ZNF565: variants seen among roughly 807,000 people sequenced by gnomAD.
ZNF565 encodes the protein zinc finger protein 565.
In ZNF565, 27 loss-of-function variants were observed where a neutral mutation model predicts 39.4. That is an observed-to-expected ratio of 0.69 (90% CI 0.51 to 0.95). The LOEUF (loss-of-function observed/expected upper bound fraction) is 0.95. Ranked by LOEUF, ZNF565 falls within the 40% of genes least tolerant of loss-of-function variation. The probability of loss-of-function intolerance (pLI) is 0.00; values close to 1 mark genes in which losing one functional copy is unlikely to be tolerated. For synonymous variants in ZNF565, 185 were observed against 216.6 expected (o/e 0.85, Z 1.28); for missense variants, 524 against 621.1 (o/e 0.84, Z 1.66).
chr19:36,228,173 A>AG lies in ZNF565; in HGVS notation c.55+17302_55+17303insC, dbSNP rs1354246150. Among the ~76,000 whole-genome samples, 113 of 148,664 alleles carry AG rather than the reference A, an allele frequency of 7.6e-4. 1 individual carries two copies. The highest frequency in any genetic ancestry group is 2.7e-3 in the African/African-American group (108 of 39,528). ...GAAACTGTCTCAAAAAAAAAAAAAA[A>AG]AAAAGAAAGAATTTCACTCTCAGTA... On this transcript the variant is annotated intron_variant, in intron 1 of 4. Transcript: ENST00000355114.
intron 1 of ZNF565, among the ~76,000 whole-genome samples, chr19:36,219,829 G>A (rs1417263717): frequency 6.6e-6 from 1 of 152,024 alleles, no homozygotes; most frequent in Non-Finnish European, 1.5e-5. Context: ...AGAAACTTCT[G>A]GGAACAAACT....
chr19:36,203,760 A>G (rs915850292), intron 1 of ZNF565, among the ~76,000 whole-genome samples: 1 of 151,288 alleles, frequency 6.6e-6, no homozygotes, highest in African/African-American at 2.4e-5. Context: ...TATTTTTAGT[A>G]GAGACGCGGT....
Position 36,183,313 on chromosome 19 carries a change from G to T in ZNF565, c.653C>A (p.Thr218Lys). Reference sequence around the variant, plus strand: ...CTTACAGTCATAAGGTTTCTCACCCGTGTGAATTCTCTGATGCTGAACAAG... The same window carrying T: ...CTTACAGTCATAAGGTTTCTCACCCTTGTGAATTCTCTGATGCTGAACAAG... ...SHLVQHQRIH[T>K]GEKPYDCKDC... Residue 218 changes from threonine (T) to lysine (K), a missense_variant, in exon 5 of 5, where the codon ACG becomes AAG. Thr to Lys is a moderately conservative substitution (Grantham distance 78). Transcript: ENST00000304116. 1 of 1,614,088 alleles carries T rather than the reference G, an allele frequency of 6.2e-7. No homozygotes were observed. Among genetic ancestry groups the T allele is most frequent in the East Asian group, 2.2e-5 (1 of 44,854 alleles).
At chr19:36,211,503 C>A (rs541897847) in intron 1 of ZNF565, among the ~76,000 whole-genome samples, 1 of 141,252 alleles carries the variant, frequency 7.1e-6, no homozygotes, top group Non-Finnish European at 1.5e-5. Context: ...AATTAATAAA[C>A]ATAGAAGTGG....
In ZNF565 at chr19:36,191,096, C is replaced by CT. The variant is rs903262734; in HGVS notation, c.232+3136dup. Among the ~76,000 whole-genome samples the CT allele has an allele frequency of 8.5e-3, 1,181 of 138,626 alleles. 29 individuals are homozygous for CT. Among genetic ancestry groups the CT allele is most frequent in the Admixed American group, 0.041 (570 of 13,794 alleles). The allele number at this position is 138,626 out of a possible 152,430, so 90.9% of individuals were successfully genotyped here. A position where few individuals can be genotyped will look rare whatever the true frequency, so the allele number is the denominator to read the frequency against. On this transcript the variant is annotated intron_variant, in intron 4 of 4. Coordinates refer to ENST00000304116, the MANE Select transcript of ZNF565 (RefSeq NM_152477.5). ...ACACATAAAGTCTCTACAGCATATT[C>CT]TTTTTTTTTTTTTAACACTTTCAAA...
intron 1 of ZNF565, among the ~76,000 whole-genome samples, chr19:36,210,822 A>G (rs1044291122): frequency 2.0e-5 from 3 of 152,042 alleles, no homozygotes; most frequent in Non-Finnish European, 2.9e-5. Flanking sequence ...AAAGGAACCA[A>G]TGGTCCCCGG....
At chr19:36,193,724 G>A (rs2145321499) in intron 4 of ZNF565, among the ~76,000 whole-genome samples, 1 of 152,228 alleles carries the variant, frequency 6.6e-6, no homozygotes, top group Non-Finnish European at 1.5e-5. Context: ...TACAGGCGTA[G>A]AGCCACTGCG....
chr19:36,231,415 G>C (rs894568732), intron 1 of ZNF565, among the ~76,000 whole-genome samples: 1 of 152,050 alleles, frequency 6.6e-6, no homozygotes, highest in Non-Finnish European at 1.5e-5. Flanking sequence ...CACCATGTTG[G>C]CCAGGCTGGT....
intron 2 of ZNF565, among the ~76,000 whole-genome samples, chr19:36,198,680 A>G (rs1417651257): frequency 6.6e-6 from 1 of 151,802 alleles, no homozygotes; most frequent in African/African-American, 2.4e-5. Flanking sequence ...GCTCACTGCA[A>G]CCTCTGCTCT....
intron 1 of ZNF565, among the ~76,000 whole-genome samples, chr19:36,223,699 C>T (rs1976958669): frequency 1.5e-5 from 1 of 66,316 alleles, no homozygotes; most frequent in Admixed American, 1.5e-4. Context: ...GACTTTTCCA[C>T]TCTTAAGTTT....
At chr19:36,222,475 GT>G (rs1976888703) in intron 1 of ZNF565, among the ~76,000 whole-genome samples, 1 of 152,158 alleles carries the variant, frequency 6.6e-6, no homozygotes, top group Non-Finnish European at 1.5e-5. Flanking sequence ...TGCCCAGTGG[GT>G]AAGTACTTAC....
chr19:36,228,175 A>G (rs1223687179), intron 1 of ZNF565, among the ~76,000 whole-genome samples: 1 of 86,096 alleles, frequency 1.2e-5, no homozygotes, highest in African/African-American at 5.6e-5. Context: ...AAAAAAAAAA[A>G]AAGAAAGAAT....
At chr19:36,197,800 A>C (rs929000986) in intron 2 of ZNF565, among the ~76,000 whole-genome samples, 1 of 152,158 alleles carries the variant, frequency 6.6e-6, no homozygotes, top group Non-Finnish European at 1.5e-5. Flanking sequence ...AAAACTAAAA[A>C]TGGAGCTACC....
At chr19:36,240,042 C>A (rs1177406975) in intron 1 of ZNF565, among the ~76,000 whole-genome samples, 1 of 151,942 alleles carries the variant, frequency 6.6e-6, no homozygotes, top group African/African-American at 2.4e-5. Flanking sequence ...TATGATGTAC[C>A]CCATCTTTTT....
chr19:36,230,693 G>A (rs1336086253), intron 1 of ZNF565, among the ~76,000 whole-genome samples: 1 of 152,070 alleles, frequency 6.6e-6, no homozygotes, highest in Non-Finnish European at 1.5e-5. Flanking sequence ...GAAGAGAGAG[G>A]GCAAAAGGGA....
chr19:36,187,966 A>G (rs888255641), intron 4 of ZNF565, among the ~76,000 whole-genome samples: 1 of 151,934 alleles, frequency 6.6e-6, no homozygotes, highest in Non-Finnish European at 1.5e-5. Flanking sequence ...TGCAAAATTC[A>G]AAAGACACAC....
intron 4 of ZNF565, among the ~76,000 whole-genome samples, chr19:36,190,819 C>T (rs1975506511): frequency 6.6e-6 from 1 of 151,660 alleles, no homozygotes; most frequent in Non-Finnish European, 1.5e-5. Context: ...TGGCGAAATC[C>T]TGTCTCTACT....
At chr19:36,188,604 CAA>C (rs901994005) in intron 4 of ZNF565, among the ~76,000 whole-genome samples, 6 of 149,614 alleles carry the variant, frequency 4.0e-5, no homozygotes, top group African/African-American at 7.4e-5. Flanking sequence ...CCCAGCTACT[CAA>C]GAGGCTGAGG....
At chr19:36,209,253 G>A (rs1016798743) in intron 1 of ZNF565, among the ~76,000 whole-genome samples, 2 of 152,120 alleles carry the variant, frequency 1.3e-5, no homozygotes, top group Non-Finnish European at 2.9e-5. Context: ...AACCGGGGCT[G>A]GGCGCAGTGG....
Sources: allele counts gnomAD v4.1 joint callset (sites outside exome capture counted in the v4.1 genomes callset), GRCh38; gene constraint gnomAD v4.1.1; transcripts MANE v1.5; gene names NCBI Gene and HGNC (gene_info 2026-07-23, HGNC 2026-07-21).